MYO15A: variants seen among roughly 807,000 people sequenced by gnomAD.
MYO15A encodes unconventional myosin-XV.
In MYO15A, 308 loss-of-function variants were observed where a neutral mutation model predicts 394.6. That is an observed-to-expected ratio of 0.78 (90% confidence interval 0.71 to 0.86). MYO15A has a LOEUF of 0.86. Among genes scored for constraint, MYO15A ranks in the 40% least tolerant of loss-of-function variants. The pLI is 0.00. For synonymous variants in MYO15A, 1,957 were observed against 2,003.8 expected, an observed-to-expected ratio of 0.98 and a Z score of 0.62; for missense variants, 4,606 against 4,799.1, an observed-to-expected ratio of 0.96 and a Z score of 1.19.
In MYO15A at chr17:18,132,402, G is replaced by A. The variant is rs1422607056; in HGVS notation, c.4207-51G>A. On this transcript the variant is annotated intron_variant, in intron 10 of 65. Transcript: ENST00000647165. This position sits in a 1 kb window ranked among gnomAD's most constrained non-coding sequence, Gnocchi z 4.6. Reference sequence around the variant, plus strand: ...CTTGGGCTTGTATGTGTGCCTGGGGGTCACCTAGGTAGGTGGCTCCCTTCT... The same window carrying A: ...CTTGGGCTTGTATGTGTGCCTGGGGATCACCTAGGTAGGTGGCTCCCTTCT... The A allele has an allele frequency of 6.8e-7, 1 of 1,462,236 alleles. No homozygotes were observed. Among genetic ancestry groups the A allele is most frequent in the East Asian group, 2.3e-5 (1 of 44,118 alleles). The allele number at this position is 1,462,236 out of a possible 1,614,324, so 90.6% of individuals were successfully genotyped here. A position where few individuals can be genotyped will look rare whatever the true frequency, so the allele number is the denominator to read the frequency against.
At chr17:18,127,860 T>TATAC (rs1304277590) in intron 7 of MYO15A, among the ~76,000 whole-genome samples, 15 of 147,066 alleles carry the variant, frequency 1.0e-4, no homozygotes, top group Non-Finnish European at 1.5e-4. Context: ...TATATATATA[T>TATAC]ACACTTATAT....
rs1436730353 is a variant in MYO15A at position 18,131,488 on chromosome 17, T to A, written c.4163T>A (p.Ile1388Lys). Residue 1388 changes from isoleucine (I) to lysine (K), a missense_variant, in exon 10 of 66, where the codon ATA becomes AAA. Physicochemically the swap from Ile to Lys is moderately radical, Grantham distance 102. Coordinates refer to ENST00000647165, the MANE Select transcript of MYO15A (RefSeq NM_016239.4). The stretch of plus-strand genomic sequence containing the variant: ...CCCAGGGGCGTGATCTCTGGTGCCA[T>A]AACCTCCCAGTACCTGCTTGAGAAA... ...FLEGGVISGA[I>K]TSQYLLEKSR... is the part of the protein sequence containing the mutation. 1.9e-6 allele frequency: 3 copies of A among 1,613,802 alleles called. No homozygotes were observed. In the African/African-American group the frequency reaches 4.0e-5, roughly 22 times the overall value.
intron 1 of MYO15A, among the ~76,000 whole-genome samples, chr17:18,118,181 A>G (rs1273758848): frequency 6.6e-6 from 1 of 152,066 alleles, no homozygotes; most frequent in African/African-American, 2.4e-5. Flanking sequence ...AGAGCCAGCC[A>G]GCTCCTGTTA....
chr17:18,125,222 C>A lies in MYO15A; in HGVS notation c.3747C>A (p.Asn1249Lys). 1 of 1,614,120 alleles carries A rather than the reference C, an allele frequency of 6.2e-7. No individual in the cohort carries two copies. Among genetic ancestry groups the A allele is most frequent in the East Asian group, 2.2e-5 (1 of 44,884 alleles). The part of the protein sequence containing the change: ...LSNLKIRFER[N>K]LIYTYIGSIL... ...ACCTCAAGATTAGATTTGAACGGAACCTCATCTACGTAAGGCCTGGGGCTG... is the reference window on the plus strand; with the variant it reads ...ACCTCAAGATTAGATTTGAACGGAAACTCATCTACGTAAGGCCTGGGGCTG... Residue 1249 changes from asparagine (N) to lysine (K), a missense_variant, in exon 4 of 66, where the codon AAC becomes AAA. Physicochemically the swap from Asn to Lys is moderately conservative, Grantham distance 94 (BLOSUM62 0). Transcript: ENST00000647165.
intron 1 of MYO15A, among the ~76,000 whole-genome samples, chr17:18,114,674 G>T (rs942356561): frequency 1.3e-5 from 2 of 152,140 alleles, no homozygotes; most frequent in African/African-American, 4.8e-5. Context: ...CCATTAGTCA[G>T]CTCTCCATTC....
chr17:18,167,513 A>G (rs1489903027), intron 61 of MYO15A, 77 bp from the exon 62 acceptor site: 21 of 1,593,926 alleles, frequency 1.3e-5, no homozygotes, highest in Non-Finnish European at 1.8e-5. Flanking sequence ...TTAAACATGC[A>G]TGTCCCCAGG....
Position 18,121,815 on chromosome 17 carries a change from T to A in MYO15A, c.3015T>A (p.Ala1005=), listed in dbSNP as rs2045941164. 1.9e-6 allele frequency: 3 copies of A among 1,612,622 alleles called. No individual in the cohort carries two copies. Among genetic ancestry groups the A allele is most frequent in the Non-Finnish European group, 2.5e-6 (3 of 1,179,916 alleles). The change falls in exon 2 of 66, where the codon GCT becomes GCA. Residue 1005 remains alanine, a synonymous_variant. Transcript: ENST00000647165. This position sits in a 1 kb window ranked among gnomAD's most constrained non-coding sequence, Gnocchi z 5.3. The part of the protein sequence containing the change: ...EPGPGQLTKS[A]GPTPEKPEEE... Reference sequence around the variant, plus strand: ...GGCCTGGACAGCTCACCAAATCAGCTGGCCCAACCCCTGAGAAGCCTGAAG... The same window carrying A: ...GGCCTGGACAGCTCACCAAATCAGCAGGCCCAACCCCTGAGAAGCCTGAAG...
chr17:18,134,621 G>A (rs2046230909), intron 12 of MYO15A, among the ~76,000 whole-genome samples: 1 of 152,176 alleles, frequency 6.6e-6, no homozygotes, highest in Admixed American at 6.5e-5. Context: ...GGTGGCTCAT[G>A]CCTGTAATCC....
At position 18,150,768 on chromosome 17, in the gene MYO15A, G is replaced by A. The variant is rs748492850; in HGVS notation, c.7395+3G>A. On this transcript the variant is annotated splice_donor_region_variant and intron_variant, in intron 37 of 65. Transcript: ENST00000647165. This position sits in a 1 kb window ranked among gnomAD's most constrained non-coding sequence, Gnocchi z 4.4. ...TCCACAAACAGGCCGTGCTGCTGGT[G>A]AGTGAGGGAGGGACTGCTGGGGGGT... 1.3e-6 allele frequency: 2 copies of A among 1,582,802 alleles called. No homozygotes were observed. Among genetic ancestry groups the A allele is most frequent in the Non-Finnish European group, 1.7e-6 (2 of 1,163,476 alleles).
chr17:18,133,915 C>T (rs1324736717), intron 12 of MYO15A, among the ~76,000 whole-genome samples: 3 of 152,192 alleles, frequency 2.0e-5, no homozygotes, highest in African/African-American at 7.2e-5. Context: ...GCCTCGGCCT[C>T]CCAAAATGCT....
Position 18,157,774 on chromosome 17 carries a change from G to A in MYO15A, c.8841G>A (p.Leu2947=), listed in dbSNP as rs201809145. ...GCGTGGGCCGCTTCCCTTCGGAGCT[G>A]GTGCAGCCCGCTGCTGCCCCCGACT... ...HGRVGRFPSE[L]VQPAAAPDFL... is the part of the protein sequence containing the mutation. The change falls in exon 51 of 66, where the codon CTG becomes CTA. Residue 2947 remains leucine (L), a synonymous_variant. Transcript: ENST00000647165. 3.2e-4 allele frequency: 515 copies of A among 1,605,226 alleles called. 4 individuals are homozygous for A. The African/African-American group carries it at 5.2e-3, about 16-fold the overall frequency.
chr17:18,120,895 C>T lies in MYO15A; in HGVS notation c.2095C>T (p.Arg699Cys), dbSNP rs1171884178. ...RPASPYGSLR[R>C]HPPPWAAPAH... ...GGCCTCGCCCTACGGCTCCCTCCGC[C>T]GCCACCCGCCGCCCTGGGCCGCCCC... The change falls in exon 2 of 66, where the codon CGC (arginine) becomes TGC (cysteine). Residue 699 changes from arginine to cysteine, a missense_variant. By Grantham distance (180) the Arg-to-Cys change is radical. Around this residue, in one of 2 missense-constraint regions of MYO15A, gnomAD observed 1,830 missense variants for 1,689.7 expected, o/e 1.08. Transcript: ENST00000647165. 7.3e-5 allele frequency: 101 copies of T among 1,387,812 alleles called. No homozygotes were observed. In the East Asian group the frequency reaches 3.3e-3, roughly 45 times the overall value. 86.0% of individuals were successfully genotyped at this position (1,387,812 alleles called of 1,614,324 possible). A position where few individuals can be genotyped will look rare whatever the true frequency, so the allele number is the denominator to read the frequency against.
chr17:18,165,927 T>A (rs562022651), intron 60 of MYO15A, among the ~76,000 whole-genome samples: 1 of 151,920 alleles, frequency 6.6e-6, no homozygotes, highest in African/African-American at 2.4e-5. Flanking sequence ...CTGAAGGAGG[T>A]CTGCAGAAAG....
At position 18,153,793 on chromosome 17, in the gene MYO15A, T is replaced by G. The variant is rs1373535686; in HGVS notation, c.7985T>G (p.Leu2662Arg). 5.6e-6 allele frequency: 9 copies of G among 1,613,678 alleles called. No individual in the cohort carries two copies. Among genetic ancestry groups the G allele is most frequent in the Non-Finnish European group, 5.9e-6 (7 of 1,179,974 alleles). Residue 2662 changes from leucine (L) to arginine (R), a missense_variant, in exon 43 of 66, where the codon CTG (leucine) becomes CGG (arginine). Leu to Arg is a moderately radical substitution (Grantham distance 102). This residue lies in a region of MYO15A where 2,776 missense variants were observed against 3,109.3 expected (regional missense o/e 0.89). Coordinates refer to ENST00000647165, the MANE Select transcript of MYO15A (RefSeq NM_016239.4). The surrounding 1 kb of genome is among the most constrained non-coding windows in gnomAD (Gnocchi z 4.1). Reference protein sequence around the residue: ...APTSALPSRSLEPPEELTQTR... With the variant: ...APTSALPSRSREPPEELTQTR... ...TCTCCAGCTCTGCCCTCGCGATCGC[T>G]GGAGCCCCCTGAGGAACTCACGCAG... is the stretch of plus-strand genomic sequence containing the variant.
intron 29 of MYO15A, among the ~76,000 whole-genome samples, chr17:18,145,361 C>CTT (rs1295639696): frequency 1.3e-5 from 2 of 152,124 alleles, no homozygotes; most frequent in Admixed American, 1.3e-4. Flanking sequence ...ATGACACATA[C>CTT]TTTGGATCTT....
At chr17:18,161,194 G>C in intron 56 of MYO15A, 123 bp from the exon 57 acceptor site, 1 of 1,313,400 alleles carries the variant, frequency 7.6e-7, no homozygotes, top group Middle Eastern at 1.8e-4. Flanking sequence ...GCGCAGGGAG[G>C]GGCATCCTCA....
Position 18,130,532 on chromosome 17 carries a change from G to T in MYO15A, c.4033-273G>T, listed in dbSNP as rs557473653. Among the ~76,000 whole-genome samples the T allele has an allele frequency of 1.1e-4, 16 of 152,182 alleles. 1 individual carries two copies. The East Asian group carries it at 2.7e-3, about 26-fold the overall frequency. On this transcript the variant is annotated intron_variant, in intron 7 of 65. Transcript: ENST00000647165. ...TCAGGGAACAGTGAGGAAGGCCAGG[G>T]AGGATCCTTGGCTGGTGGTAGCCAT...
chr17:18,112,286 G>A (rs2045731655), intron 1 of MYO15A, among the ~76,000 whole-genome samples: 1 of 151,272 alleles, frequency 6.6e-6, no homozygotes, highest in South Asian at 2.1e-4. Context: ...GTGGGGGTGG[G>A]GTTGGACCTG....
chr17:18,124,977 C>A, intron 3 of MYO15A, 191 bp from the exon 4 acceptor site: 1 of 647,334 alleles, frequency 1.5e-6, no homozygotes, highest in Non-Finnish European at 2.8e-6. Context: ...GATTATCATA[C>A]CCATTGGACA....
Sources: allele counts gnomAD v4.1 joint callset (sites outside exome capture counted in the v4.1 genomes callset), GRCh38; gene constraint gnomAD v4.1.1; regional missense constraint gnomAD v4.1.1; non-coding constraint Gnocchi (gnomAD v3.1); transcripts MANE v1.5; gene names NCBI Gene and HGNC (gene_info 2026-07-23, HGNC 2026-07-21).